The following EIF4EBP2 variants were observed in gnomAD, a reference collection of about 807,000 sequenced individuals.
EIF4EBP2 encodes eukaryotic translation initiation factor 4E binding protein 2, also known as eukaryotic translation initiation factor 4E-binding protein 2.
In EIF4EBP2, 5 loss-of-function variants were observed where a neutral mutation model predicts 10.3. That is an observed-to-expected ratio of 0.48 (90% CI 0.25 to 1.02). EIF4EBP2 has a LOEUF of 1.02. EIF4EBP2 is among the 50% of genes least tolerant of loss of function. The probability of loss-of-function intolerance (pLI) is 0.15; values close to 1 mark genes in which losing one functional copy is unlikely to be tolerated. For missense variants in EIF4EBP2, 188 were observed against 162.2 expected (o/e 1.16, Z -0.86); for synonymous variants, 67 against 61.1 (o/e 1.10, Z -0.45).
chr10:70,413,609 C>CAAAAA (rs57681671), intron 1 of EIF4EBP2, among the ~76,000 whole-genome samples: 11 of 97,322 alleles, frequency 1.1e-4, no homozygotes, highest in South Asian at 3.5e-4. Flanking sequence ...CCCTGACTCT[C>CAAAAA]AAAAAAAAAA....
chr10:70,410,112 C>T (rs1401259504), intron 1 of EIF4EBP2, among the ~76,000 whole-genome samples: 1 of 152,004 alleles, frequency 6.6e-6, no homozygotes, highest in East Asian at 1.9e-4. Flanking sequence ...TCTTGTTGCC[C>T]AGGCTGGAGT....
intron 1 of EIF4EBP2, among the ~76,000 whole-genome samples, chr10:70,416,534 A>G (rs997809713): frequency 5.5e-5 from 8 of 146,210 alleles, no homozygotes; most frequent in Admixed American, 4.9e-4. Flanking sequence ...AGCCAAGATC[A>G]TGCAGCTGTA....
chr10:70,413,442 G>A (rs1432282170), intron 1 of EIF4EBP2, among the ~76,000 whole-genome samples: 1 of 151,828 alleles, frequency 6.6e-6, no homozygotes, highest in African/African-American at 2.4e-5. Flanking sequence ...TCAGGGCAAC[G>A]TAATGAGACC....
Position 70,427,721 on chromosome 10 carries a change from T to C in EIF4EBP2, c.*5974T>C, listed in dbSNP as rs936523560. On this transcript the variant is annotated 3_prime_UTR_variant, in exon 3 of 3. Coordinates refer to ENST00000373218, the MANE Select transcript of EIF4EBP2 (RefSeq NM_004096.5). ...ATGTCATGGATACCCAGTGGAAATA[T>C]TACTGAGATGAAACACATTTCCAAG... is the stretch of plus-strand genomic sequence containing the variant. 1 of 152,136 alleles carries C rather than the reference T, an allele frequency of 6.6e-6. No homozygotes were observed. Among genetic ancestry groups the C allele is most frequent in the Non-Finnish European group, 1.5e-5 (1 of 68,036 alleles). 9.4% of individuals were successfully genotyped at this position (152,136 alleles called of 1,614,324 possible).
chr10:70,416,603 A>C (rs1010252358), intron 1 of EIF4EBP2, among the ~76,000 whole-genome samples: 1 of 150,366 alleles, frequency 6.7e-6, no homozygotes, highest in Admixed American at 6.6e-5. Flanking sequence ...AAACCAGGCA[A>C]TTTTTCAAAG....
intron 1 of EIF4EBP2, among the ~76,000 whole-genome samples, chr10:70,410,125 A>C (rs956340946): frequency 7.9e-5 from 12 of 152,148 alleles, no homozygotes; most frequent in African/African-American, 2.9e-4. Context: ...GCTGGAGTGC[A>C]ATGGCGCCAT....
Position 70,419,988 on chromosome 10 carries a change from C to T in EIF4EBP2, c.220C>T (p.His74Tyr), listed in dbSNP as rs776137654. 1.9e-6 allele frequency: 3 copies of T among 1,613,420 alleles called. No homozygotes were observed. Among genetic ancestry groups the T allele is most frequent in the Non-Finnish European group, 1.7e-6 (2 of 1,179,788 alleles). The stretch of plus-strand genomic sequence containing the variant: ...TCCCATGGCTCAGACCCCACCCTGC[C>T]ACCTGCCCAATATCCCAGGAGTCAC... ...NSPMAQTPPC[H>Y]LPNIPGVTSP... The change falls in exon 2 of 3, where the codon CAC (histidine) becomes TAC (tyrosine). Residue 74 changes from histidine to tyrosine, a missense_variant. By Grantham distance (83) the His-to-Tyr change is moderately conservative. Transcript: ENST00000373218.
At chr10:70,419,812 T>A in intron 1 of EIF4EBP2, 102 bp from the exon 2 acceptor site, 2 of 907,272 alleles carry the variant, frequency 2.2e-6, no homozygotes, top group Non-Finnish European at 1.6e-6. Flanking sequence ...GTAAAATCCT[T>A]AAAAGTTAGG....
At chr10:70,415,873 G>GAA (rs60699796) in intron 1 of EIF4EBP2, among the ~76,000 whole-genome samples, 1 of 114,722 alleles carries the variant, frequency 8.7e-6, no homozygotes, top group Non-Finnish European at 1.9e-5. Context: ...ACAAACAAAA[G>GAA]AAAAAAAAAA....
chr10:70,411,436 A>C (rs1334427599), intron 1 of EIF4EBP2, among the ~76,000 whole-genome samples: 1 of 152,046 alleles, frequency 6.6e-6, no homozygotes, highest in Non-Finnish European at 1.5e-5. Context: ...AAAGCAACAA[A>C]GTTGTAAAAG....
intron 1 of EIF4EBP2, among the ~76,000 whole-genome samples, chr10:70,408,179 C>T (rs1476584240): frequency 3.0e-4 from 39 of 129,308 alleles, no homozygotes; most frequent in African/African-American, 9.6e-4. Flanking sequence ...ACCTCCCTCC[C>T]GGACGGGGCG....
intron 1 of EIF4EBP2, among the ~76,000 whole-genome samples, chr10:70,416,063 G>T (rs1414389102): frequency 6.6e-6 from 1 of 152,104 alleles, no homozygotes; most frequent in Non-Finnish European, 1.5e-5. Flanking sequence ...ATGGGTAAAG[G>T]TTCTGAATAG....
intron 1 of EIF4EBP2, among the ~76,000 whole-genome samples, chr10:70,414,417 A>G (rs1845072612): frequency 6.6e-6 from 1 of 152,198 alleles, no homozygotes; most frequent in Non-Finnish European, 1.5e-5. Context: ...TGAGAACATT[A>G]CAGCATTAAG....
intron 1 of EIF4EBP2, among the ~76,000 whole-genome samples, chr10:70,407,761 G>A (rs1219161081): frequency 1.5e-5 from 2 of 133,672 alleles, no homozygotes; most frequent in African/African-American, 2.8e-5. Flanking sequence ...CAGACGGGGC[G>A]GCTGGCCGGG....
chr10:70,404,677 C>T (rs1026365693), intron 1 of EIF4EBP2, 131 bp downstream of exon 1: 2 of 1,221,334 alleles, frequency 1.6e-6, no homozygotes, highest in East Asian at 6.3e-5. Flanking sequence ...TGCCCTTGGG[C>T]CCGCCCGAGC....
In EIF4EBP2 at chr10:70,427,319, A is replaced by C. The variant is rs1370305763; in HGVS notation, c.*5572A>C. 4.6e-5 allele frequency: 7 copies of C among 151,958 alleles called. No individual in the cohort carries two copies. The allele number at this position is 151,958 out of a possible 1,614,324, so 9.4% of individuals were successfully genotyped here. On this transcript the variant is annotated 3_prime_UTR_variant, in exon 3 of 3. Transcript: ENST00000373218. The stretch of plus-strand genomic sequence containing the variant: ...ACTTAGTTATCCCTACAGTTCTTTA[A>C]CTCTCAGCTTTTAATAAAAGATGAA...
intron 1 of EIF4EBP2, among the ~76,000 whole-genome samples, chr10:70,415,952 A>G (rs552354329): frequency 6.6e-6 from 1 of 152,302 alleles, no homozygotes; most frequent in Non-Finnish European, 1.5e-5. Context: ...AAATGAAAAG[A>G]TAACCCACAG....
At chr10:70,413,889 T>C (rs898344175) in intron 1 of EIF4EBP2, among the ~76,000 whole-genome samples, 1 of 152,230 alleles carries the variant, frequency 6.6e-6, no homozygotes, top group Non-Finnish European at 1.5e-5. Context: ...ATATGAGCTA[T>C]GGATTTCTTG....
chr10:70,405,969 A>G (rs1844960878), intron 1 of EIF4EBP2, among the ~76,000 whole-genome samples: 1 of 152,066 alleles, frequency 6.6e-6, no homozygotes. Flanking sequence ...CCCCGATATG[A>G]TCAGTTCAAG....
Sources: gnomAD v4.1 joint callset for allele counts (sites outside exome capture counted in the v4.1 genomes callset) on GRCh38, gnomAD v4.1.1 for gene constraint, MANE v1.5 for transcripts, NCBI Gene and HGNC (gene_info 2026-07-23, HGNC 2026-07-21) for gene names.